The following CENPE variants were observed in gnomAD, a reference collection of about 807,000 sequenced individuals.
CENPE encodes the protein centromere protein E, also known as centromere-associated protein E.
Under a neutral mutation model 336.1 loss-of-function variants are expected in CENPE, and 145 were observed. That is an observed-to-expected ratio of 0.43 (90% CI 0.38 to 0.50). The LOEUF is 0.50. CENPE is among the 20% of genes least tolerant of loss of function. CENPE has a pLI of 0.00. For synonymous variants in CENPE, 1,013 were observed against 984.8 expected, an observed-to-expected ratio of 1.03 and a Z score of -0.54; for missense variants, 2,719 against 3,023.3, an observed-to-expected ratio of 0.90 and a Z score of 2.36.
intron 26 of CENPE, among the ~76,000 whole-genome samples, chr4:103,149,948 A>G (rs1283266865): frequency 6.6e-6 from 1 of 152,248 alleles, no homozygotes; most frequent in Non-Finnish European, 1.5e-5. Context: ...GCAATTTGCT[A>G]TGGCAGCCCT....
intron 13 of CENPE, 70 bp from the exon 14 acceptor site, chr4:103,177,116 T>C (rs2126010807): frequency 1.5e-6 from 2 of 1,304,078 alleles, no homozygotes; most frequent in South Asian, 2.8e-5. Context: ...AGGGAACTAG[T>C]TTCTATTTTT....
At chr4:103,191,150 G>A (rs540970378) in intron 8 of CENPE, among the ~76,000 whole-genome samples, 1 of 152,284 alleles carries the variant, frequency 6.6e-6, no homozygotes, top group African/African-American at 2.4e-5. Flanking sequence ...GGGAACAACA[G>A]GTGCTGGAGA....
intron 35 of CENPE, 22 bp from the exon 36 acceptor site, chr4:103,141,126 T>C: frequency 7.1e-7 from 1 of 1,405,964 alleles, no homozygotes. Context: ...CATAAAATAA[T>C]ATGTTAGGTG....
In CENPE at chr4:103,158,841, G is replaced by T; in HGVS notation, c.2647C>A (p.Gln883Lys). 1 of 1,609,242 alleles carries T rather than the reference G, an allele frequency of 6.2e-7. No individual in the cohort carries two copies. The highest frequency in any genetic ancestry group is 8.5e-7 in the Non-Finnish European group (1 of 1,178,672). The change falls in exon 23 of 49, where the codon CAA becomes AAA. Residue 883 changes from glutamine (Q) to lysine (K), a missense_variant. Physicochemically the swap from Gln to Lys is moderately conservative, Grantham distance 53. This residue lies in a region of CENPE where 2,437 missense variants were observed against 2,513.3 expected (regional missense o/e 0.97). Coordinates refer to ENST00000265148, the MANE Select transcript of CENPE (RefSeq NM_001813.3). ...TGTTCCATCTCATTTAGTCTTTCTTGAACCTCACGTGTTTTCTCCTGAAGT... is the reference window on the plus strand; with the variant it reads ...TGTTCCATCTCATTTAGTCTTTCTTTAACCTCACGTGTTTTCTCCTGAAGT... ...QELQEKTREV[Q>K]ERLNEMEQLK...
intron 29 of CENPE, 152 bp from the exon 30 acceptor site, chr4:103,146,259 G>T: frequency 2.8e-6 from 2 of 717,084 alleles, no homozygotes; most frequent in Non-Finnish European, 4.4e-6. Flanking sequence ...CCATTATTCA[G>T]GCATTTAATG....
At chr4:103,157,820 T>A (rs946044981) in intron 24 of CENPE, among the ~76,000 whole-genome samples, 2 of 151,982 alleles carry the variant, frequency 1.3e-5, no homozygotes, top group African/African-American at 2.4e-5. Flanking sequence ...CAGTCTCCTA[T>A]TGAATATTTT....
chr4:103,136,017 C>T (rs1752038491), intron 40 of CENPE, 124 bp downstream of exon 40: 1 of 786,934 alleles, frequency 1.3e-6, no homozygotes, highest in Non-Finnish European at 2.0e-6. Context: ...CTCAGACCCA[C>T]ATAATCTTTA....
rs147628418 is a variant in CENPE, at chr4:103,130,164, C to T, written c.6924+2529G>A. On this transcript the variant is annotated intron_variant, in intron 42 of 48. Transcript: ENST00000265148. The stretch of plus-strand genomic sequence containing the variant: ...ACACTGTACTGGAAGTCCAAATTAA[C>T]GCCATAAGACAAGTAAAGAAAATAC... 5.7e-3 allele frequency among the ~76,000 whole-genome samples: 860 copies of T among 152,190 alleles called. 8 individuals carry two copies. Among genetic ancestry groups the T allele is most frequent in the African/African-American group, 0.02 (817 of 41,526 alleles).
At chr4:103,163,334 T>C (rs1754617817) in intron 17 of CENPE, 78 bp from the exon 18 acceptor site, 1 of 1,330,372 alleles carries the variant, frequency 7.5e-7, no homozygotes, top group Non-Finnish European at 1.0e-6. Context: ...CTTATATATA[T>C]TAGTTTAAAT....
intron 24 of CENPE, among the ~76,000 whole-genome samples, chr4:103,156,973 G>C (rs192448667): frequency 1.4e-5 from 2 of 146,178 alleles, no homozygotes; most frequent in Non-Finnish European, 3.0e-5. Context: ...AAAAGCACAC[G>C]AAGATTCAAC....
At chr4:103,182,101 T>C (rs868259261) in intron 11 of CENPE, 12 of 152,540 alleles carry the variant, frequency 7.9e-5, no homozygotes, top group Middle Eastern at 3.1e-3. Context: ...TTTTTTGTTT[T>C]TTGTTTTGAG....
At chr4:103,173,549 ACAATATTTGCAAAATATTTG>A (rs1294532470) in intron 16 of CENPE, among the ~76,000 whole-genome samples, 2 of 107,978 alleles carry the variant, frequency 1.9e-5, no homozygotes, top group East Asian at 2.7e-4. Flanking sequence ...CAATAAAGAG[ACAATATTTGCAAAATATTTG>A]CAATATTTGC....
chr4:103,176,658 C>G (rs1240104385), intron 14 of CENPE, among the ~76,000 whole-genome samples: 1 of 152,168 alleles, frequency 6.6e-6, no homozygotes, highest in Non-Finnish European at 1.5e-5. Flanking sequence ...CTCCCAGGTT[C>G]AAGCGATTCT....
chr4:103,141,762 T>G lies in CENPE; in HGVS notation c.5451A>C (p.Lys1817Asn), dbSNP rs150429050. ...MQKDLENSNA[K>N]LQEKIQELKA... ...CCCATAAAAATACCTTTTCTTGTAA[T>G]TTAGCATTTGAATTTTCTAAATCTT... Residue 1817 changes from lysine (K) to asparagine (N), a missense_variant, in exon 35 of 49, where the codon AAA becomes AAC. This residue lies in a region of CENPE where 2,437 missense variants were observed against 2,513.3 expected (regional missense o/e 0.97). Transcript: ENST00000265148. The G allele has an allele frequency of 2.6e-6, 4 of 1,524,814 alleles. No homozygotes were observed. The East Asian group carries it at 9.2e-5, about 35-fold the overall frequency. The allele number at this position is 1,524,814 out of a possible 1,614,324, so 94.5% of individuals were successfully genotyped here.
In CENPE at chr4:103,163,180, G is replaced by A. The variant is rs1262698966; in HGVS notation, c.1799C>T (p.Ser600Phe). 2 of 1,609,444 alleles carry A rather than the reference G, an allele frequency of 1.2e-6. No individual in the cohort carries two copies. The highest frequency in any genetic ancestry group is 2.2e-5 in the South Asian group (2 of 90,772). ...QIKKLQEYID[S>F]QKLENIKMDL... The stretch of plus-strand genomic sequence containing the variant: ...CATTTTTATATTTTCTAGCTTTTGA[G>A]AGTCTATGTATTCCTGTAGCTTCTT... Residue 600 changes from serine (S) to phenylalanine (F), a missense_variant, in exon 18 of 49, where the codon TCT becomes TTT. Ser to Phe is a radical substitution (Grantham distance 155). Around this residue, in one of 5 missense-constraint regions of CENPE, gnomAD observed 2,437 missense variants for 2,513.3 expected, o/e 0.97. Transcript: ENST00000265148.
intron 26 of CENPE, 116 bp downstream of exon 26, chr4:103,151,103 A>C: frequency 2.3e-6 from 2 of 878,328 alleles, no homozygotes. Flanking sequence ...TAGCATTGAA[A>C]TATGTTCATT....
chr4:103,196,897 T>G, intron 1 of CENPE, 47 bp from the exon 2 acceptor site: 1 of 870,242 alleles, frequency 1.1e-6, no homozygotes, highest in Non-Finnish European at 1.9e-6. Flanking sequence ...AAAAGTCATG[T>G]CATAGGAGGA....
intron 42 of CENPE, among the ~76,000 whole-genome samples, chr4:103,123,525 C>G (rs1750831637): frequency 6.6e-6 from 1 of 151,776 alleles, no homozygotes; most frequent in Admixed American, 6.6e-5. Flanking sequence ...AAGTTCTCAA[C>G]TTAATAAGAA....
At chr4:103,139,660 T>C (rs1752369489) in intron 38 of CENPE, 129 bp downstream of exon 38, 5 of 758,136 alleles carry the variant, frequency 6.6e-6, no homozygotes, top group Non-Finnish European at 9.8e-6. Flanking sequence ...AAAATTAGAG[T>C]AACCATTTCC....
Sources: allele counts gnomAD v4.1 joint callset (sites outside exome capture counted in the v4.1 genomes callset), GRCh38; gene constraint gnomAD v4.1.1; regional missense constraint gnomAD v4.1.1; transcripts MANE v1.5; gene names NCBI Gene and HGNC (gene_info 2026-07-23, HGNC 2026-07-21).